Variants in PECAM1 observed in about 807,000 individuals in gnomAD.
PECAM1 encodes platelet and endothelial cell adhesion molecule 1.
In PECAM1, 8 loss-of-function variants were observed where a neutral mutation model predicts 13.8. The ratio of observed to expected loss-of-function variants is 0.58; its 90% confidence interval spans 0.34 to 1.05. The LOEUF is 1.05. Among genes scored for constraint, PECAM1 ranks in the 50% least tolerant of loss-of-function variants. The probability of loss-of-function intolerance (pLI) is 0.03; values close to 1 mark genes in which losing one functional copy is unlikely to be tolerated. For missense variants in PECAM1, 304 were observed against 141.2 expected, an observed-to-expected ratio of 2.15 and a Z score of -5.84; for synonymous variants, 136 against 52.6, an observed-to-expected ratio of 2.58 and a Z score of -6.86.
intron 13 of PECAM1, among the ~76,000 whole-genome samples, chr17:64,347,027 G>GT (rs2035584916): frequency 6.6e-6 from 1 of 152,192 alleles, no homozygotes; most frequent in African/African-American, 2.4e-5. Context: ...CTGGCACTTA[G>GT]TAAGTGCTCA....
chr17:64,341,398 C>T (rs1204259979), intron 14 of PECAM1, among the ~76,000 whole-genome samples: 2 of 152,186 alleles, frequency 1.3e-5, no homozygotes, highest in Non-Finnish European at 2.9e-5. Context: ...AGGTAAGGGT[C>T]ACCGGCTGGG....
Position 64,390,686 on chromosome 17 carries a change from GCA to G in PECAM1, c.-23_-22del. ...TGCATCCTGAGAGTGAAGACTGCAG[GCA>G]CAGTTAGTTCTGCCTTCGGGCCATG... On this transcript the variant is annotated 5_prime_UTR_variant, in exon 1 of 16. Coordinates refer to ENST00000563924, the MANE Select transcript of PECAM1 (RefSeq NM_000442.5). The G allele has an allele frequency of 2.2e-6, 1 of 455,304 alleles. No individual in the cohort carries two copies. Among genetic ancestry groups the G allele is most frequent in the African/African-American group, 2.0e-5 (1 of 50,280 alleles). The allele number at this position is 455,304 out of a possible 1,614,324, so 28.2% of individuals were successfully genotyped here.
At position 64,321,744 on chromosome 17, in the gene PECAM1, G is replaced by T; in HGVS notation, c.*2072C>A. 8.1e-7 allele frequency: 1 copy of T among 1,234,338 alleles called. No individual in the cohort carries two copies. The allele number at this position is 1,234,338 out of a possible 1,614,324, so 76.5% of individuals were successfully genotyped here. ...CCACTGCACTCCAGCCTGGGCAACAGAGCAAGCCCCTGTCTCAACAAAACA... is the reference window on the plus strand; with the variant it reads ...CCACTGCACTCCAGCCTGGGCAACATAGCAAGCCCCTGTCTCAACAAAACA... On this transcript the variant is annotated 3_prime_UTR_variant, in exon 16 of 16. Coordinates refer to ENST00000563924, the MANE Select transcript of PECAM1 (RefSeq NM_000442.5).
At chr17:64,385,326 TG>T (rs1434975993) in intron 2 of PECAM1, among the ~76,000 whole-genome samples, 2 of 152,126 alleles carry the variant, frequency 1.3e-5, no homozygotes, top group African/African-American at 4.8e-5. Flanking sequence ...CATCAGTGGA[TG>T]GTGGTGCTCC....
intron 14 of PECAM1, among the ~76,000 whole-genome samples, chr17:64,338,627 G>A (rs1333503740): frequency 2.0e-5 from 3 of 151,998 alleles, no homozygotes; most frequent in South Asian, 2.1e-4. Flanking sequence ...GCGTGATCTC[G>A]GCTCACTGCA....
intron 2 of PECAM1, among the ~76,000 whole-genome samples, chr17:64,385,933 T>C (rs2036583395): frequency 2.0e-5 from 3 of 152,202 alleles, no homozygotes; most frequent in African/African-American, 4.8e-5. Context: ...AATGGAGGGC[T>C]GGCCTGCTGT....
intron 6 of PECAM1, among the ~76,000 whole-genome samples, chr17:64,361,023 T>C (rs1232348708): frequency 6.6e-6 from 1 of 150,986 alleles, no homozygotes; most frequent in African/African-American, 2.4e-5. Context: ...GGTCTCACTA[T>C]GTGCTCAGGC....
At position 64,360,507 on chromosome 17, in the gene PECAM1, C is replaced by T. The variant is rs2143810185; in HGVS notation, c.1217-92G>A. ...TTCCTCCTCCAAAGCCTGAGCTTTG[C>T]TTTCTATCCCTGCTGTAATTTCAAA... On this transcript the variant is annotated intron_variant, in intron 6 of 15. Transcript: ENST00000563924. 9.5e-6 allele frequency: 4 copies of T among 422,870 alleles called. No individual in the cohort carries two copies. The East Asian group carries it at 1.0e-4, about 11-fold the overall frequency. The allele number at this position is 422,870 out of a possible 1,614,324, so 26.2% of individuals were successfully genotyped here.
Position 64,325,345 on chromosome 17 carries a change from G to A in PECAM1, c.2188-1500C>T, listed in dbSNP as rs567298951. ...GGAGCTTGCAGTGAGCCAAGATTGC[G>A]CCACTGCACTCCAACCTGGGCGACA... On this transcript the variant is annotated intron_variant, in intron 15 of 15. Transcript: ENST00000563924. 3.1e-3 allele frequency among the ~76,000 whole-genome samples: 467 copies of A among 152,054 alleles called. 4 individuals carry two copies. Among genetic ancestry groups the A allele is most frequent in the Non-Finnish European group, 3.3e-3 (221 of 67,990 alleles).
chr17:64,355,889 C>T (rs960167076), intron 8 of PECAM1, among the ~76,000 whole-genome samples: 17 of 152,134 alleles, frequency 1.1e-4, no homozygotes, highest in African/African-American at 1.7e-4. Context: ...GTAATTGGAA[C>T]GATGTGACAT....
At chr17:64,349,965 G>A (rs2035678321) in intron 12 of PECAM1, among the ~76,000 whole-genome samples, 1 of 152,194 alleles carries the variant, frequency 6.6e-6, no homozygotes, top group Admixed American at 6.5e-5. Context: ...TAGCTCCCAT[G>A]GCAGCAGCCC....
At chr17:64,351,021 C>T (rs1395509233) in intron 11 of PECAM1, among the ~76,000 whole-genome samples, 1 of 152,030 alleles carries the variant, frequency 6.6e-6, no homozygotes, top group Non-Finnish European at 1.5e-5. Flanking sequence ...GGATTATAAA[C>T]ATGTACCACC....
chr17:64,348,241 T>C lies in PECAM1; in HGVS notation c.2107+19A>G. The C allele has an allele frequency of 2.1e-6, 1 of 475,098 alleles. No individual in the cohort carries two copies. The highest frequency in any genetic ancestry group is 3.9e-6 in the Non-Finnish European group (1 of 258,950). The allele number at this position is 475,098 out of a possible 1,614,324, so 29.4% of individuals were successfully genotyped here. A position where few individuals can be genotyped will look rare whatever the true frequency, so the allele number is the denominator to read the frequency against. ...CAAGCCAAAGGCAATGCCTGGGGAC[T>C]CACTCGAGTGGCACTTACCTTTGTG... On this transcript the variant is annotated intron_variant, in intron 13 of 15. Coordinates refer to ENST00000563924, the MANE Select transcript of PECAM1 (RefSeq NM_000442.5).
intron 10 of PECAM1, among the ~76,000 whole-genome samples, 177 bp downstream of exon 10, chr17:64,353,314 C>T (rs1179033627): frequency 0.34 from 50,483 of 147,366 alleles, 9,723 homozygotes; most frequent in East Asian, 0.52. Context: ...GGTACACACA[C>T]ACACACACAC....
At chr17:64,386,106 T>A (rs2143913024) in intron 2 of PECAM1, among the ~76,000 whole-genome samples, 1 of 152,284 alleles carries the variant, frequency 6.6e-6, no homozygotes, top group South Asian at 2.1e-4. Flanking sequence ...CTGAGTGGAC[T>A]CAACAGGACT....
At position 64,323,432 on chromosome 17, in the gene PECAM1, G is replaced by A; in HGVS notation, c.*384C>T. On this transcript the variant is annotated 3_prime_UTR_variant, in exon 16 of 16. Transcript: ENST00000563924. The stretch of plus-strand genomic sequence containing the variant: ...CAGGCCATGCGCTAGAAATGATTGA[G>A]TATAAAAAAGAAAATTGGTTTCTGT... 8.7e-7 allele frequency: 1 copy of A among 1,151,830 alleles called. No individual in the cohort carries two copies. Among genetic ancestry groups the A allele is most frequent in the African/African-American group, 1.6e-5 (1 of 62,262 alleles). The allele number at this position is 1,151,830 out of a possible 1,614,324, so 71.4% of individuals were successfully genotyped here. A position where few individuals can be genotyped will look rare whatever the true frequency, so the allele number is the denominator to read the frequency against.
In PECAM1 at chr17:64,360,264, C is replaced by A. The variant is rs1282795315; in HGVS notation, c.1368G>T (p.Lys456Asn). 7 of 475,234 alleles carry A rather than the reference C, an allele frequency of 1.5e-5. No individual in the cohort carries two copies. The highest frequency in any genetic ancestry group is 9.5e-5 in the Admixed American group (3 of 31,730). The allele number at this position is 475,234 out of a possible 1,614,324, so 29.4% of individuals were successfully genotyped here. A position where few individuals can be genotyped will look rare whatever the true frequency, so the allele number is the denominator to read the frequency against. ...KTSKVLENSTKNSNDPAVFKD... is the reference protein window; with the variant it reads ...KTSKVLENSTNNSNDPAVFKD... ...TGAATACCGCAGGATCATTTGAGTT[C>A]TTGGTACTATTCTCCAAAACTTTAC... Residue 456 changes from lysine (K) to asparagine (N), a missense_variant, in exon 7 of 16, where the codon AAG (lysine) becomes AAT (asparagine). Lys to Asn is a moderately conservative substitution (Grantham distance 94). Transcript: ENST00000563924.
At chr17:64,358,737 A>T (rs1163012983) in intron 7 of PECAM1, among the ~76,000 whole-genome samples, 1 of 152,166 alleles carries the variant, frequency 6.6e-6, no homozygotes, top group Non-Finnish European at 1.5e-5. Context: ...GCATTGAAAC[A>T]AAGAATATGT....
intron 14 of PECAM1, among the ~76,000 whole-genome samples, chr17:64,341,118 G>C (rs2035417571): frequency 3.0e-5 from 4 of 131,500 alleles, no homozygotes; most frequent in Non-Finnish European, 6.5e-5. Context: ...AAAAAAATTA[G>C]CTGAGTGTGG....
Sources: allele counts gnomAD v4.1 joint callset (sites outside exome capture counted in the v4.1 genomes callset), GRCh38; gene constraint gnomAD v4.1.1; transcripts MANE v1.5; gene names NCBI Gene and HGNC (gene_info 2026-07-23, HGNC 2026-07-21).